ADCK1: variants seen among roughly 807,000 people sequenced by gnomAD.
The protein encoded by ADCK1 is aarF domain containing kinase 1.
ADCK1 carries 41 observed loss-of-function variants against 52.3 expected under a neutral mutation model. That is an observed-to-expected ratio of 0.78 (90% CI 0.61 to 1.02). The LOEUF is 1.02. Ranked by LOEUF, ADCK1 falls within the 50% of genes least tolerant of loss-of-function variation. The pLI, the probability that ADCK1 is intolerant of heterozygous loss-of-function variation, is 0.00. For missense variants in ADCK1, 658 were observed against 679.5 expected, an observed-to-expected ratio of 0.97 and a Z score of 0.35; for synonymous variants, 250 against 274.6, an observed-to-expected ratio of 0.91 and a Z score of 0.89.
intron 7 of ADCK1, chr14:77,914,571 T>TA: frequency 1.0e-6 from 1 of 985,358 alleles, no homozygotes; most frequent in Non-Finnish European, 1.2e-6. Context: ...GGTGAGGCTT[T>TA]ATAGAGGTTG....
chr14:77,929,670 A>ATTTTTTTTTTTT (rs563350912), intron 9 of ADCK1, among the ~76,000 whole-genome samples: 3 of 146,996 alleles, frequency 2.0e-5, no homozygotes, highest in Middle Eastern at 3.2e-3. Context: ...AGTGAACAAA[A>ATTTTTTTTTTTT]TTTTTTTTTT....
intron 3 of ADCK1, among the ~76,000 whole-genome samples, chr14:77,842,825 C>T (rs964380743): frequency 6.6e-6 from 1 of 151,910 alleles, no homozygotes; most frequent in African/African-American, 2.4e-5. Context: ...GCTGGGTTTA[C>T]AGGTGTGAGC....
rs1392986951 is a variant in ADCK1, at chr14:77,933,592, A to G, written c.*201A>G. On this transcript the variant is annotated 3_prime_UTR_variant, in exon 11 of 11. Transcript: ENST00000238561. ...CAGGGCCCACAAGCTGAACTGTGGC[A>G]TAGCTCTCTCTTCTTCTCCAAGAAG... is the stretch of plus-strand genomic sequence containing the variant. 8 of 581,864 alleles carry G rather than the reference A, an allele frequency of 1.4e-5. No individual in the cohort carries two copies. In the Admixed American group the frequency reaches 2.4e-4, roughly 18 times the overall value. 36.0% of individuals were successfully genotyped at this position (581,864 alleles called of 1,614,324 possible). A position where few individuals can be genotyped will look rare whatever the true frequency, so the allele number is the denominator to read the frequency against.
At chr14:77,831,853 G>A (rs530258901) in intron 3 of ADCK1, among the ~76,000 whole-genome samples, 1 of 152,350 alleles carries the variant, frequency 6.6e-6, no homozygotes, top group South Asian at 2.1e-4. Flanking sequence ...GGCAGAGTAA[G>A]GGGCTAAGGT....
intron 10 of ADCK1, among the ~76,000 whole-genome samples, chr14:77,932,344 C>T (rs1282812332): frequency 6.6e-6 from 1 of 152,176 alleles, no homozygotes; most frequent in South Asian, 2.1e-4. Context: ...CCACCATGTC[C>T]AACCTCAGAT....
chr14:77,901,063 G>A (rs1347502280), intron 6 of ADCK1, among the ~76,000 whole-genome samples: 8 of 64,514 alleles, frequency 1.2e-4, no homozygotes, highest in Non-Finnish European at 2.8e-4. Context: ...TTTTTTTTTT[G>A]AGACAGAGTC....
chr14:77,819,241 G>A, intron 2 of ADCK1, 128 bp downstream of exon 2: 1 of 1,320,418 alleles, frequency 7.6e-7, no homozygotes, highest in East Asian at 2.3e-5. Flanking sequence ...ATGTGCAAAA[G>A]CTACATCTGC....
intron 7 of ADCK1, among the ~76,000 whole-genome samples, chr14:77,921,709 G>A (rs954668014): frequency 2.6e-5 from 4 of 152,114 alleles, no homozygotes; most frequent in Non-Finnish European, 4.4e-5. Flanking sequence ...GAGATGGAGC[G>A]GGCCACTCTG....
chr14:77,904,956 C>T (rs941730972), intron 6 of ADCK1, among the ~76,000 whole-genome samples: 3 of 152,162 alleles, frequency 2.0e-5, no homozygotes, highest in African/African-American at 4.8e-5. Flanking sequence ...TCACCCCACA[C>T]CCCCAGGTCC....
chr14:77,821,663 C>T (rs1263832032), intron 2 of ADCK1, among the ~76,000 whole-genome samples: 1 of 151,830 alleles, frequency 6.6e-6, no homozygotes, highest in Non-Finnish European at 1.5e-5. Flanking sequence ...GAAGGATCGC[C>T]TGAGGTCAGG....
At chr14:77,932,260 G>T (rs1394746454) in intron 10 of ADCK1, among the ~76,000 whole-genome samples, 1 of 152,068 alleles carries the variant, frequency 6.6e-6, no homozygotes, top group Non-Finnish European at 1.5e-5. Flanking sequence ...TGTTGGCCAG[G>T]CTGGTCTTGA....
At position 77,923,575 on chromosome 14, in the gene ADCK1, C is replaced by A. The variant is rs558466076; in HGVS notation, c.859-882C>A. On this transcript the variant is annotated intron_variant, in intron 7 of 10. Transcript: ENST00000238561. This position sits in a 1 kb window ranked among gnomAD's most constrained non-coding sequence, Gnocchi z 4.3. ...GTTTGTTAATGACCATGGGGTCTAG[C>A]CGAGGCCGAGAGGGTTGCCTAGGGC... 2.0e-5 allele frequency: 3 copies of A among 152,320 alleles called. No homozygotes were observed. Among genetic ancestry groups the A allele is most frequent in the African/African-American group, 7.2e-5 (3 of 41,548 alleles). 9.4% of individuals were successfully genotyped at this position (152,320 alleles called of 1,614,324 possible).
chr14:77,865,150 AAAAC>A (rs56304530), intron 4 of ADCK1, among the ~76,000 whole-genome samples: 127,064 of 148,878 alleles, frequency 0.85, 54,334 homozygotes, highest in Middle Eastern at 0.92. Flanking sequence ...TTGAATTAAA[AAAAC>A]AAACAAACAA....
chr14:77,819,172 T>C (rs1034436535), intron 2 of ADCK1, 59 bp downstream of exon 2: 1 of 1,604,948 alleles, frequency 6.2e-7, no homozygotes, highest in East Asian at 2.2e-5. Context: ...CAGGTGTTCA[T>C]ACATGTAGCA....
intron 2 of ADCK1, among the ~76,000 whole-genome samples, chr14:77,822,045 AG>A (rs59996472): frequency 0.11 from 16,848 of 152,220 alleles, 1,080 homozygotes; most frequent in Middle Eastern, 0.18. Context: ...GCAGTGTAAA[AG>A]GTGCTGTGGT....
chr14:77,850,792 A>C (rs1301009280), intron 3 of ADCK1, among the ~76,000 whole-genome samples: 2 of 151,528 alleles, frequency 1.3e-5, no homozygotes, highest in African/African-American at 2.4e-5. Context: ...CTGGGACTAC[A>C]GGTGCCCGCC....
intron 4 of ADCK1, among the ~76,000 whole-genome samples, chr14:77,883,127 C>T (rs553285864): frequency 3.3e-5 from 5 of 151,980 alleles, no homozygotes; most frequent in Non-Finnish European, 1.5e-5. Context: ...AATCACGGGC[C>T]GACAGTAATT....
chr14:77,831,739 G>A (rs2081854716), intron 3 of ADCK1, among the ~76,000 whole-genome samples: 1 of 152,012 alleles, frequency 6.6e-6, no homozygotes, highest in Admixed American at 6.6e-5. Flanking sequence ...ACAGGTGTGA[G>A]CCACAATGCC....
chr14:77,931,154 G>T (rs1257606351), intron 9 of ADCK1, among the ~76,000 whole-genome samples: 1 of 152,202 alleles, frequency 6.6e-6, no homozygotes, highest in Non-Finnish European at 1.5e-5. Flanking sequence ...TAGGCTTGGA[G>T]GGGTAGGAGA....
Sources: gnomAD v4.1 joint callset for allele counts (sites outside exome capture counted in the v4.1 genomes callset) on GRCh38, gnomAD v4.1.1 for gene constraint, Gnocchi (gnomAD v3.1) non-coding constraint, MANE v1.5 for transcripts, NCBI Gene and HGNC (gene_info 2026-07-23, HGNC 2026-07-21) for gene names.